Variants in ODF2 observed in about 807,000 individuals in gnomAD.
The protein encoded by ODF2 is outer dense fiber of sperm tails 2, also known as outer dense fiber protein 2.
A neutral mutation model predicts 110.2 loss-of-function variants in ODF2; 47 were observed. That is an observed-to-expected ratio of 0.43 (90% confidence interval 0.34 to 0.54). The LOEUF (loss-of-function observed/expected upper bound fraction) is 0.54, where lower values mean the gene tolerates loss of function less well. Among genes scored for constraint, ODF2 ranks in the 20% least tolerant of loss-of-function variants. The pLI, the probability that ODF2 is intolerant of heterozygous loss-of-function variation, is 0.03. For synonymous variants in ODF2, 352 were observed against 397.7 expected, an observed-to-expected ratio of 0.89 and a Z score of 1.37; for missense variants, 812 against 1,054.5, an observed-to-expected ratio of 0.77 and a Z score of 3.19.
intron 2 of ODF2, chr9:128,457,492 G>A (rs1180160328): frequency 2.0e-6 from 3 of 1,533,848 alleles, no homozygotes; most frequent in Non-Finnish European, 2.6e-6. Context: ...GTGGCCAGGG[G>A]TCCCCAGGGC....
intron 18 of ODF2, 66 bp from the exon 19 acceptor site, chr9:128,498,347 C>A: frequency 6.9e-7 from 1 of 1,439,582 alleles, no homozygotes; most frequent in South Asian, 1.5e-5. Flanking sequence ...GGCTGGCAGC[C>A]CCCTGGCGGG....
At chr9:128,496,361 A>C in intron 18 of ODF2, 6 of 1,404,680 alleles carry the variant, frequency 4.3e-6, no homozygotes, top group Admixed American at 2.1e-5. Flanking sequence ...TGACAGCATG[A>C]TCAGGATCTG....
chr9:128,457,339 C>T, exon 2 of ODF2: 1 of 1,611,454 alleles, frequency 6.2e-7, no homozygotes, highest in Non-Finnish European at 8.5e-7. Flanking sequence ...CAAGCCTGCC[C>T]CTCTGGGTCC....
intron 3 of ODF2, chr9:128,460,148 G>A: frequency 1.5e-6 from 2 of 1,296,722 alleles, no homozygotes; most frequent in Non-Finnish European, 2.0e-6. Context: ...ACGCCAATCT[G>A]CATGCCCAGT....
chr9:128,499,037 C>T lies in ODF2; in HGVS notation c.2212C>T (p.Arg738Ter), dbSNP rs779414875. 9 of 1,614,114 alleles carry T rather than the reference C, an allele frequency of 5.6e-6. No individual in the cohort carries two copies. The highest frequency in any genetic ancestry group is 1.1e-5 in the South Asian group (1 of 91,090). Reference sequence around the variant, plus strand: ...CAAGGAGCACGCACTCTCCAAGGAGCGAGCAGCCCAGAACAAAATCCTGGA... The same window carrying T: ...CAAGGAGCACGCACTCTCCAAGGAGTGAGCAGCCCAGAACAAAATCCTGGA... Residue 738 changes from arginine to a stop codon, truncating the protein, a stop_gained, in exon 20 of 21, where the codon CGA becomes TGA. Coordinates refer to ENST00000604420, the Ensembl canonical transcript of ODF2. LOFTEE classifies it high-confidence loss of function.
rs552316104 is a variant in ODF2, at chr9:128,462,781, G to T, written c.249+1714G>T. ...TGCCCGGCTAATTTTTTATGGTAGA[G>T]ACGGGGTTTCACCGTGTTAGCCAGG... is the stretch of plus-strand genomic sequence containing the variant. On this transcript the variant is annotated intron_variant, in intron 4 of 20. Transcript: ENST00000604420. 2.0e-5 allele frequency among the ~76,000 whole-genome samples: 3 copies of T among 151,962 alleles called. No individual in the cohort carries two copies. The South Asian group carries it at 6.2e-4, about 32-fold the overall frequency.
In ODF2 at chr9:128,494,752, G is replaced by A. The variant is rs1369310475; in HGVS notation, c.1911+84G>A. ...GATGAGCTGCACGCCCCCCAAGGGA[G>A]GACTACTTCCTTTTTCTTGGCTGCT... On this transcript the variant is annotated intron_variant, in intron 17 of 20. Transcript: ENST00000604420. This position sits in a 1 kb window ranked among gnomAD's most constrained non-coding sequence, Gnocchi z 4.6. 4.3e-6 allele frequency: 7 copies of A among 1,612,252 alleles called. No homozygotes were observed. The highest frequency in any genetic ancestry group is 1.7e-5 in the Admixed American group (1 of 59,794).
intron 7 of ODF2, 109 bp from the exon 8 acceptor site, chr9:128,473,501 C>T (rs1840541165): frequency 6.6e-7 from 1 of 1,526,654 alleles, no homozygotes; most frequent in Non-Finnish European, 8.8e-7. Flanking sequence ...CTGTACACAG[C>T]CTGGTTCTCC....
rs1405901847 is a variant in ODF2 at position 128,494,268 on chromosome 9, G to T, written c.1753-242G>T. ...CAGAGAGCCCCTGGTACAATGCCTGGGTCTTGGTGTTTACTGTGTGGTTGC... is the reference window on the plus strand; with the variant it reads ...CAGAGAGCCCCTGGTACAATGCCTGTGTCTTGGTGTTTACTGTGTGGTTGC... On this transcript the variant is annotated intron_variant, in intron 16 of 20. Transcript: ENST00000604420. This position sits in a 1 kb window ranked among gnomAD's most constrained non-coding sequence, Gnocchi z 4.6. 1.3e-5 allele frequency among the ~76,000 whole-genome samples: 2 copies of T among 152,128 alleles called. No individual in the cohort carries two copies. Among genetic ancestry groups the T allele is most frequent in the African/African-American group, 4.8e-5 (2 of 41,436 alleles).
intron 1 of ODF2, chr9:128,456,748 C>G: frequency 1.5e-5 from 15 of 968,396 alleles, no homozygotes; most frequent in Non-Finnish European, 1.7e-5. Flanking sequence ...TTGCCAGGGC[C>G]CTCGCCCGGC....
At chr9:128,458,221 G>T (rs1420534235) in intron 2 of ODF2, among the ~76,000 whole-genome samples, 4 of 152,086 alleles carry the variant, frequency 2.6e-5, no homozygotes, top group Admixed American at 2.6e-4. Context: ...GAGAGGCCAA[G>T]GTGGGTGGAT....
rs1224738983 is a variant in ODF2 at position 128,499,236 on chromosome 9, T to C, written c.2301+110T>C. On this transcript the variant is annotated intron_variant, in intron 20 of 20. Coordinates refer to ENST00000604420, the Ensembl canonical transcript of ODF2. ...TACTGTTTTTGTGAATATGACATGG[T>C]TTTATTTTTCTCCAATCACTTTCTA... is the stretch of plus-strand genomic sequence containing the variant. The C allele has an allele frequency of 1.5e-5, 20 of 1,336,176 alleles. No individual in the cohort carries two copies. The Admixed American group carries it at 4.0e-4, about 27-fold the overall frequency. The allele number at this position is 1,336,176 out of a possible 1,614,324, so 82.8% of individuals were successfully genotyped here.
chr9:128,470,178 T>G (rs1839623040), intron 5 of ODF2, among the ~76,000 whole-genome samples: 1 of 149,792 alleles, frequency 6.7e-6, no homozygotes, highest in Admixed American at 6.7e-5. Context: ...GGTCCCCAAC[T>G]AGGAAATTGG....
intron 3 of ODF2, 60 bp downstream of exon 2, chr9:128,459,717 C>T (rs1835910346): frequency 1.5e-6 from 2 of 1,347,382 alleles, no homozygotes; most frequent in East Asian, 2.3e-5. Flanking sequence ...TGCTTTTGCA[C>T]ACCGTTTCTA....
Position 128,471,685 on chromosome 9 carries a change from T to C in ODF2, c.581+217T>C, listed in dbSNP as rs549234538. 2.0e-5 allele frequency among the ~76,000 whole-genome samples: 3 copies of C among 152,154 alleles called. No homozygotes were observed. In the East Asian group the frequency reaches 5.8e-4, roughly 29 times the overall value. ...AAAGGGAGGACCCCGTGGATTGTGG[T>C]GTGGGACTGGGTAGCAGGGAACTGT... On this transcript the variant is annotated intron_variant, in intron 6 of 20. Transcript: ENST00000604420.
At chr9:128,456,318 C>T in intron 1 of ODF2, 63 bp downstream of exon 1, 1 of 1,478,406 alleles carries the variant, frequency 6.8e-7, no homozygotes. Context: ...AGACCGTCGC[C>T]TTCGCACCCC....
chr9:128,499,297 T>G (rs528110193), intron 20 of ODF2, among the ~76,000 whole-genome samples, 171 bp downstream of exon 20: 2 of 152,340 alleles, frequency 1.3e-5, no homozygotes, highest in South Asian at 4.1e-4. Flanking sequence ...ATTTATTTAT[T>G]TATTTAGAGA....
At chr9:128,461,670 C>T (rs4837268) in intron 4 of ODF2, among the ~76,000 whole-genome samples, 97,838 of 152,016 alleles carry the variant, frequency 0.64, 34,167 homozygotes, top group Non-Finnish European at 0.79. Context: ...CCGCCCGCCT[C>T]GGCCTCCCAA....
Position 128,499,953 on chromosome 9 carries a change from C to T in ODF2, c.2302-114C>T, listed in dbSNP as rs948583922. ...GAAACCCCATACCCATTAGAAGTCA[C>T]TCCACACTCGCCTCCCCAAACCTCC... On this transcript the variant is annotated intron_variant, in intron 20 of 20. Transcript: ENST00000604420. 2.8e-5 allele frequency: 29 copies of T among 1,044,354 alleles called. No homozygotes were observed. In the Middle Eastern group the frequency reaches 8.5e-4, roughly 31 times the overall value. The allele number at this position is 1,044,354 out of a possible 1,614,324, so 64.7% of individuals were successfully genotyped here.
Sources: gnomAD v4.1 joint callset for allele counts (sites outside exome capture counted in the v4.1 genomes callset) on GRCh38, gnomAD v4.1.1 for gene constraint, Gnocchi (gnomAD v3.1) non-coding constraint, MANE v1.5 for transcripts, NCBI Gene and HGNC (gene_info 2026-07-23, HGNC 2026-07-21) for gene names.